Variants in DLC1 observed in about 807,000 individuals in gnomAD.
The protein encoded by DLC1 is rho GTPase-activating protein 7.
Under a neutral mutation model 140.3 loss-of-function variants are expected in DLC1, and 54 were observed. The observed-to-expected ratio is 0.38, with a 90% CI of 0.31 to 0.48. The LOEUF (loss-of-function observed/expected upper bound fraction) is 0.48. Ranked by LOEUF, DLC1 falls within the 20% of genes least tolerant of loss-of-function variation. DLC1 has a pLI of 0.96. For synonymous variants in DLC1, 986 were observed against 728.1 expected (o/e 1.35, Z -5.70); for missense variants, 2,536 against 1,907.0 (o/e 1.33, Z -6.14).
At chr8:13,345,574 G>T (rs966771356) in intron 4 of DLC1, among the ~76,000 whole-genome samples, 2 of 20,954 alleles carry the variant, frequency 9.5e-5, no homozygotes, top group African/African-American at 2.6e-4. Context: ...TTTTTTTGGA[G>T]ATGGAGTCTT....
At chr8:13,204,767 T>G (rs1450490417) in intron 5 of DLC1, among the ~76,000 whole-genome samples, 3 of 152,238 alleles carry the variant, frequency 2.0e-5, no homozygotes, top group African/African-American at 7.2e-5. Context: ...CTTGTCACAC[T>G]GTGGCTGGAA....
At chr8:13,152,568 G>A (rs1160211970) in intron 5 of DLC1, among the ~76,000 whole-genome samples, 1 of 152,034 alleles carries the variant, frequency 6.6e-6, no homozygotes, top group Non-Finnish European at 1.5e-5. Context: ...TTTTAAAAAT[G>A]AATGTTGTAT....
intron 4 of DLC1, chr8:13,342,305 GA>G (rs1834098714): frequency 6.6e-6 from 1 of 152,182 alleles, no homozygotes; most frequent in Admixed American, 6.5e-5. Flanking sequence ...AGAAAGCTCT[GA>G]AAAAATTATC....
intron 8 of DLC1, 38 bp downstream of exon 8, chr8:13,102,752 T>C (rs1283122654): frequency 1.9e-6 from 3 of 1,568,056 alleles, no homozygotes; most frequent in Admixed American, 1.7e-5. Flanking sequence ...TGTTTGCCCC[T>C]TTTCCCCCTC....
chr8:13,549,553 A>G (rs968575469), intron 1 of DLC1, among the ~76,000 whole-genome samples: 2 of 152,174 alleles, frequency 1.3e-5, no homozygotes, highest in African/African-American at 4.8e-5. Flanking sequence ...AACACACATA[A>G]CATAACTCAT....
intron 5 of DLC1, among the ~76,000 whole-genome samples, chr8:13,181,516 G>A (rs1216788956): frequency 6.9e-6 from 1 of 145,868 alleles, no homozygotes; most frequent in Non-Finnish European, 1.5e-5. Flanking sequence ...GTCCCGGTGT[G>A]TGATGTTTCC....
At chr8:13,218,959 T>A (rs1446535459) in intron 5 of DLC1, among the ~76,000 whole-genome samples, 1 of 42,068 alleles carries the variant, frequency 2.4e-5, no homozygotes, top group Non-Finnish European at 4.0e-5. Flanking sequence ...ATTATATACG[T>A]ATATAATTAT....
chr8:13,498,022 T>C (rs1172947712), intron 2 of DLC1, among the ~76,000 whole-genome samples: 5 of 152,182 alleles, frequency 3.3e-5, no homozygotes, highest in Admixed American at 3.3e-4. Flanking sequence ...TTTTTCTCTC[T>C]CATGGTAGAT....
chr8:13,204,038 G>A (rs1388736729), intron 5 of DLC1, among the ~76,000 whole-genome samples: 2 of 152,068 alleles, frequency 1.3e-5, no homozygotes, highest in Non-Finnish European at 2.9e-5. Context: ...TAGTACTCAC[G>A]GTGTGTGTTG....
chr8:13,577,350 A>G (rs978352944), intron 1 of DLC1, among the ~76,000 whole-genome samples: 2 of 152,206 alleles, frequency 1.3e-5, no homozygotes, highest in African/African-American at 4.8e-5. Context: ...GCGATGGGTC[A>G]GTGTCCGTGT....
At chr8:13,245,624 A>C (rs1192502319) in intron 5 of DLC1, among the ~76,000 whole-genome samples, 3 of 152,160 alleles carry the variant, frequency 2.0e-5, no homozygotes, top group Admixed American at 1.3e-4. Context: ...CCACGTTAAG[A>C]TACTGTACCA....
intron 2 of DLC1, among the ~76,000 whole-genome samples, chr8:13,487,635 G>A (rs144613297): frequency 6.5e-4 from 98 of 151,174 alleles, no homozygotes; most frequent in South Asian, 2.5e-3. Context: ...GTGCAATGGC[G>A]TGAGTTCGGC....
chr8:13,527,385 G>A (rs1269936937), intron 1 of DLC1, among the ~76,000 whole-genome samples: 1 of 152,064 alleles, frequency 6.6e-6, no homozygotes. Context: ...TTATTAATAT[G>A]TCAAATTTCA....
intron 1 of DLC1, among the ~76,000 whole-genome samples, chr8:13,521,009 C>CA (rs772450889): frequency 2.0e-5 from 3 of 152,126 alleles, no homozygotes; most frequent in Non-Finnish European, 2.9e-5. Context: ...TTGCCCAGCC[C>CA]ATGAGTGATA....
chr8:13,241,074 C>T (rs2117241457), intron 5 of DLC1, among the ~76,000 whole-genome samples: 1 of 152,280 alleles, frequency 6.6e-6, no homozygotes, highest in South Asian at 2.1e-4. Context: ...AGCTTTGCTG[C>T]AGTCACATAA....
intron 5 of DLC1, among the ~76,000 whole-genome samples, chr8:13,252,513 G>C (rs999726589): frequency 6.6e-6 from 1 of 152,128 alleles, no homozygotes; most frequent in African/African-American, 2.4e-5. Flanking sequence ...CGGTCATATG[G>C]TTTAGAATAA....
chr8:13,290,960 G>A (rs561575990), intron 5 of DLC1, among the ~76,000 whole-genome samples: 2 of 152,310 alleles, frequency 1.3e-5, no homozygotes, highest in East Asian at 1.9e-4. Flanking sequence ...CCAGGCTGGA[G>A]TGCAATGGCG....
At chr8:13,464,400 A>G (rs1400154287) in intron 2 of DLC1, among the ~76,000 whole-genome samples, 1 of 152,230 alleles carries the variant, frequency 6.6e-6, no homozygotes, top group Non-Finnish European at 1.5e-5. Flanking sequence ...ATAAATCTCA[A>G]AAATAACAAT....
intron 5 of DLC1, among the ~76,000 whole-genome samples, chr8:13,297,581 C>G (rs567343924): frequency 2.6e-5 from 4 of 152,160 alleles, no homozygotes; most frequent in East Asian, 3.9e-4. Context: ...ATTGGGAGTA[C>G]TGCGCTGAAT....
Sources: gnomAD v4.1 joint callset for allele counts (sites outside exome capture counted in the v4.1 genomes callset) on GRCh38, gnomAD v4.1.1 for gene constraint, MANE v1.5 for transcripts, NCBI Gene and HGNC (gene_info 2026-07-23, HGNC 2026-07-21) for gene names.